Variants in WDFY2 observed in about 807,000 individuals in gnomAD.
WDFY2 encodes the protein WD repeat and FYVE domain-containing protein 2.
In WDFY2, 36 loss-of-function variants were observed where a neutral mutation model predicts 56.4. That is an observed-to-expected ratio of 0.64 (90% CI 0.49 to 0.84). The LOEUF (loss-of-function observed/expected upper bound fraction) is 0.84, where lower values mean the gene tolerates loss of function less well. Among genes scored for constraint, WDFY2 ranks in the 40% least tolerant of loss-of-function variants. The probability of loss-of-function intolerance (pLI) is 0.00; values close to 1 mark genes in which losing one functional copy is unlikely to be tolerated. For synonymous variants in WDFY2, 176 were observed against 183.7 expected, an observed-to-expected ratio of 0.96 and a Z score of 0.34; for missense variants, 444 against 512.2, an observed-to-expected ratio of 0.87 and a Z score of 1.29.
intron 4 of WDFY2, among the ~76,000 whole-genome samples, chr13:51,714,717 T>A (rs1342905427): frequency 2.0e-5 from 3 of 152,202 alleles, no homozygotes; most frequent in Non-Finnish European, 4.4e-5. Context: ...CTCCTAGTTA[T>A]GTACCCAACA....
intron 4 of WDFY2, among the ~76,000 whole-genome samples, chr13:51,714,603 C>T (rs1372101173): frequency 6.6e-6 from 1 of 152,128 alleles, no homozygotes; most frequent in Non-Finnish European, 1.5e-5. Flanking sequence ...CTGGAACCCT[C>T]TTAACAGTGT....
At chr13:51,697,573 C>T (rs1951901694) in intron 3 of WDFY2, among the ~76,000 whole-genome samples, 2 of 149,704 alleles carry the variant, frequency 1.3e-5, no homozygotes, top group Admixed American at 6.7e-5. Flanking sequence ...GTTGAGGCTG[C>T]AGTGAGCTGT....
intron 6 of WDFY2, among the ~76,000 whole-genome samples, chr13:51,728,826 T>G (rs569499633): frequency 6.6e-6 from 1 of 152,166 alleles, no homozygotes; most frequent in South Asian, 2.1e-4. Context: ...TTTTAGCCGC[T>G]TACACCCTCA....
intron 7 of WDFY2, among the ~76,000 whole-genome samples, chr13:51,741,084 C>A (rs1952963546): frequency 6.6e-6 from 1 of 152,166 alleles, no homozygotes; most frequent in South Asian, 2.1e-4. Flanking sequence ...GTCTCTCAGT[C>A]CTAGAAAAAT....
intron 4 of WDFY2, among the ~76,000 whole-genome samples, chr13:51,707,974 AGACT>A: frequency 4.0e-5 from 1 of 24,988 alleles, no homozygotes; most frequent in Non-Finnish European, 6.7e-5. Flanking sequence ...TTTTTTTTGG[AGACT>A]GAGTCTTGCT....
chr13:51,681,499 C>A (rs117143421), intron 3 of WDFY2, among the ~76,000 whole-genome samples: 1,944 of 152,246 alleles, frequency 0.013, 10 homozygotes, highest in South Asian at 0.018. Context: ...ATTATTTACA[C>A]TAGCTTATGA....
At position 51,614,566 on chromosome 13, in the gene WDFY2, C is replaced by T. The variant is rs572148643; in HGVS notation, c.137+29742C>T. 3.3e-5 allele frequency among the ~76,000 whole-genome samples: 5 copies of T among 152,308 alleles called. No homozygotes were observed. The South Asian group carries it at 1.0e-3, about 32-fold the overall frequency. On this transcript the variant is annotated intron_variant, in intron 1 of 11. Coordinates refer to ENST00000298125, the MANE Select transcript of WDFY2 (RefSeq NM_052950.4). ...TTGAAGCCTCACGATGGCTGCTCTC[C>T]AGTCAGCATTGCATCTGCTTTCCAG...
intron 1 of WDFY2, among the ~76,000 whole-genome samples, chr13:51,631,687 G>C (rs1954955607): frequency 6.6e-6 from 1 of 152,054 alleles, no homozygotes; most frequent in South Asian, 2.1e-4. Flanking sequence ...TTTGCATTAT[G>C]ATTTCAACAT....
intron 11 of WDFY2, among the ~76,000 whole-genome samples, chr13:51,759,279 G>T (rs1414080235): frequency 1.3e-5 from 2 of 152,174 alleles, no homozygotes; most frequent in African/African-American, 4.8e-5. Context: ...AAGTTTAAAT[G>T]GAAAGGACAC....
At chr13:51,719,477 T>G in intron 5 of WDFY2, 129 bp downstream of exon 5, 1 of 1,078,260 alleles carries the variant, frequency 9.3e-7, no homozygotes, top group Non-Finnish European at 1.3e-6. Context: ...ATTACAATGC[T>G]CATAGAATTT....
rs1335110058 is a variant in WDFY2, at chr13:51,584,799, G to T, written c.112G>T (p.Gly38Cys). Residue 38 changes from glycine (G) to cysteine (C), a missense_variant, in exon 1 of 12, where the codon GGC becomes TGC. Gly to Cys is a radical substitution (Grantham distance 159). Coordinates refer to ENST00000298125, the MANE Select transcript of WDFY2 (RefSeq NM_052950.4). ...NMAVIVPKEEGVISVSEDRTV... is the reference protein window; with the variant it reads ...NMAVIVPKEECVISVSEDRTV... ...GGCCGTGATCGTGCCCAAAGAGGAG[G>T]GCGTCATCAGCGTCTCCGAGGACAG... is the stretch of plus-strand genomic sequence containing the variant. The T allele has an allele frequency of 2.5e-6, 4 of 1,613,932 alleles. No individual in the cohort carries two copies. The East Asian group carries it at 8.9e-5, about 36-fold the overall frequency.
chr13:51,618,100 A>G (rs903126163), intron 1 of WDFY2, among the ~76,000 whole-genome samples: 4 of 152,210 alleles, frequency 2.6e-5, no homozygotes, highest in Non-Finnish European at 4.4e-5. Context: ...CAAGCATTCT[A>G]TTTATTCAAT....
intron 3 of WDFY2, among the ~76,000 whole-genome samples, chr13:51,694,715 C>G (rs1402007167): frequency 6.6e-6 from 1 of 152,168 alleles, no homozygotes; most frequent in Non-Finnish European, 1.5e-5. Context: ...TTTCCTGAGT[C>G]TGAATGTTGG....
chr13:51,758,132 A>C, intron 10 of WDFY2, 60 bp from the exon 11 acceptor site: 11 of 1,279,608 alleles, frequency 8.6e-6, no homozygotes, highest in Non-Finnish European at 1.2e-5. Context: ...GTCATCCTAG[A>C]TCTCTCTCAT....
chr13:51,627,482 C>T (rs1954857716), intron 1 of WDFY2, among the ~76,000 whole-genome samples: 1 of 152,070 alleles, frequency 6.6e-6, no homozygotes. Flanking sequence ...GATTCTTCTG[C>T]CTTAGCCTCC....
At chr13:51,597,319 T>C (rs181052742) in intron 1 of WDFY2, among the ~76,000 whole-genome samples, 54 of 152,370 alleles carry the variant, frequency 3.5e-4, no homozygotes, top group Non-Finnish European at 7.6e-4. Context: ...ATTGAAGTTC[T>C]TATATTTTGG....
At chr13:51,632,136 CTT>C (rs1442385673) in intron 1 of WDFY2, among the ~76,000 whole-genome samples, 1 of 151,926 alleles carries the variant, frequency 6.6e-6, no homozygotes, top group Non-Finnish European at 1.5e-5. Context: ...TCTTTTAACA[CTT>C]AGTATGGTAG....
At chr13:51,590,266 G>A (rs1954018559) in intron 1 of WDFY2, 1 of 152,192 alleles carries the variant, frequency 6.6e-6, no homozygotes, top group Non-Finnish European at 1.5e-5. Flanking sequence ...CTCAAGTGCT[G>A]CTAAACTTAC....
chr13:51,705,113 C>T (rs1190027680), intron 4 of WDFY2, among the ~76,000 whole-genome samples: 1 of 152,188 alleles, frequency 6.6e-6, no homozygotes, highest in Non-Finnish European at 1.5e-5. Context: ...GAGAAGCCCA[C>T]GTGCTGAGGA....
Sources: allele counts gnomAD v4.1 joint callset (sites outside exome capture counted in the v4.1 genomes callset), GRCh38; gene constraint gnomAD v4.1.1; transcripts MANE v1.5; gene names NCBI Gene and HGNC (gene_info 2026-07-23, HGNC 2026-07-21).